The following EXOC2 variants were observed in gnomAD, a reference collection of about 807,000 sequenced individuals.
EXOC2 encodes exocyst complex component 2.
EXOC2 carries 70 observed loss-of-function variants against 131.8 expected under a neutral mutation model. The ratio of observed to expected loss-of-function variants is 0.53; its 90% CI spans 0.44 to 0.65. EXOC2 has a LOEUF of 0.65. Among genes scored for constraint, EXOC2 ranks in the 30% least tolerant of loss-of-function variants. EXOC2 has a pLI of 0.00. For synonymous variants in EXOC2, 411 were observed against 398.4 expected (o/e 1.03, Z -0.38); for missense variants, 923 against 1,108.6 (o/e 0.83, Z 2.38).
At chr6:508,854 T>C (rs1764701837) in intron 23 of EXOC2, among the ~76,000 whole-genome samples, 1 of 152,218 alleles carries the variant, frequency 6.6e-6, no homozygotes, top group Admixed American at 6.5e-5. Flanking sequence ...GCTGCCAAAC[T>C]GTCTTCCAAA....
At chr6:597,942 G>A (rs1759908827) in intron 10 of EXOC2, 79 bp downstream of exon 10, 1 of 1,014,784 alleles carries the variant, frequency 9.9e-7, no homozygotes, top group Non-Finnish European at 1.5e-6. Context: ...AGTCCCTCAA[G>A]TTAGCCTTAA....
At chr6:661,897 C>G in intron 1 of EXOC2, among the ~76,000 whole-genome samples, 1 of 152,172 alleles carries the variant, frequency 6.6e-6, no homozygotes, top group East Asian at 1.9e-4. Context: ...CAATCTGCTG[C>G]CTTCAGGAGA....
intron 1 of EXOC2, among the ~76,000 whole-genome samples, chr6:640,340 C>T (rs780594775): frequency 1.3e-5 from 2 of 152,046 alleles, no homozygotes; most frequent in Non-Finnish European, 2.9e-5. Flanking sequence ...TTTAGGGTAT[C>T]GTTTTCTGAC....
At position 485,938 on chromosome 6, in the gene EXOC2, C is replaced by G. The variant is rs1363687297; in HGVS notation, c.*733G>C. Reference sequence around the variant, plus strand: ...CCCGTTACACATTCACACTCCATCACAGATAACACACAGGGCCTCAGGGAC... The same window carrying G: ...CCCGTTACACATTCACACTCCATCAGAGATAACACACAGGGCCTCAGGGAC... On this transcript the variant is annotated 3_prime_UTR_variant, in exon 28 of 28. Coordinates refer to ENST00000230449, the MANE Select transcript of EXOC2 (RefSeq NM_018303.6). 6.6e-6 allele frequency: 1 copy of G among 152,240 alleles called. No individual in the cohort carries two copies. The highest frequency in any genetic ancestry group is 1.5e-5 in the Non-Finnish European group (1 of 68,060). 9.4% of individuals were successfully genotyped at this position (152,240 alleles called of 1,614,324 possible).
intron 4 of EXOC2, among the ~76,000 whole-genome samples, chr6:624,843 T>C (rs956856433): frequency 6.6e-6 from 1 of 152,224 alleles, no homozygotes; most frequent in African/African-American, 2.4e-5. Context: ...TTGTTCAGAA[T>C]AACTGGATTT....
intron 1 of EXOC2, among the ~76,000 whole-genome samples, chr6:639,609 A>G (rs772466574): frequency 6.6e-6 from 1 of 152,172 alleles, no homozygotes; most frequent in Non-Finnish European, 1.5e-5. Flanking sequence ...AGACCCAAAG[A>G]TCCTGACACC....
At chr6:499,609 AT>A (rs769479059) in intron 24 of EXOC2, 35 bp downstream of exon 24, 2 of 1,551,504 alleles carry the variant, frequency 1.3e-6, no homozygotes, top group Non-Finnish European at 1.8e-6. Flanking sequence ...TTTTTTGGTT[AT>A]CCATATCTCT....
intron 2 of EXOC2, among the ~76,000 whole-genome samples, chr6:637,220 A>G (rs940371143): frequency 1.3e-5 from 2 of 152,198 alleles, no homozygotes; most frequent in African/African-American, 4.8e-5. Context: ...ACAGATCACG[A>G]TGAGGACACA....
At chr6:614,507 C>A (rs572373311) in intron 6 of EXOC2, among the ~76,000 whole-genome samples, 1 of 152,156 alleles carries the variant, frequency 6.6e-6, no homozygotes, top group Non-Finnish European at 1.5e-5. Context: ...CTGTAATTTC[C>A]CTGTAATGAA....
intron 1 of EXOC2, among the ~76,000 whole-genome samples, chr6:675,499 T>G (rs1300636927): frequency 6.6e-6 from 1 of 151,230 alleles, no homozygotes; most frequent in Admixed American, 6.6e-5. Flanking sequence ...ACCCATTGCT[T>G]TAAACCTCTT....
chr6:570,081 G>C (rs1167022371), intron 13 of EXOC2, among the ~76,000 whole-genome samples: 1 of 152,042 alleles, frequency 6.6e-6, no homozygotes, highest in Non-Finnish European at 1.5e-5. Context: ...AAAACACTTG[G>C]CTGGAAACAA....
intron 7 of EXOC2, 143 bp downstream of exon 7, chr6:609,955 T>C: frequency 1.6e-6 from 1 of 619,824 alleles, no homozygotes; most frequent in Non-Finnish European, 2.8e-6. Flanking sequence ...CTATTCTCCT[T>C]TGTGTTCATT....
In EXOC2 at chr6:687,548, C is replaced by A. The variant is rs75283546; in HGVS notation, c.-44+5471G>T. Among the ~76,000 whole-genome samples the A allele has an allele frequency of 5.0e-3, 761 of 152,252 alleles. 3 individuals are homozygous for A. The highest frequency in any genetic ancestry group is 0.017 in the African/African-American group (711 of 41,518). On this transcript the variant is annotated intron_variant, in intron 1 of 27. Transcript: ENST00000230449. ...GATGATTTGCGATACAATGACTAGT[C>A]ACCCAGATCCTCAAAAGATGACAGT...
At chr6:537,082 T>C (rs573118676) in intron 22 of EXOC2, among the ~76,000 whole-genome samples, 12 of 148,060 alleles carry the variant, frequency 8.1e-5, no homozygotes, top group Non-Finnish European at 1.8e-4. Flanking sequence ...AAAGCAACAA[T>C]GAGACTGGCT....
At chr6:684,671 T>A (rs1764564136) in intron 1 of EXOC2, among the ~76,000 whole-genome samples, 1 of 152,180 alleles carries the variant, frequency 6.6e-6, no homozygotes, top group Admixed American at 6.5e-5. Context: ...ATTTCTCAAA[T>A]TAAAACTGTG....
chr6:587,331 G>A (rs1379308845), intron 11 of EXOC2, among the ~76,000 whole-genome samples: 2 of 151,218 alleles, frequency 1.3e-5, no homozygotes, highest in Non-Finnish European at 2.9e-5. Flanking sequence ...TGCAAGCTCC[G>A]CCTCCCAGGT....
chr6:564,835 A>G, intron 14 of EXOC2, 29 bp downstream of exon 14: 1 of 1,595,952 alleles, frequency 6.3e-7, no homozygotes, highest in Non-Finnish European at 8.5e-7. Flanking sequence ...CCCTGTGAAA[A>G]GGTCTACATA....
chr6:667,535 T>C (rs1763672208), intron 1 of EXOC2, among the ~76,000 whole-genome samples: 1 of 96,544 alleles, frequency 1.0e-5, no homozygotes, highest in Non-Finnish European at 2.4e-5. Context: ...CCGCTGAGGG[T>C]CTTGATCAAA....
chr6:528,408 C>T (rs1765874319), intron 23 of EXOC2, among the ~76,000 whole-genome samples: 1 of 152,210 alleles, frequency 6.6e-6, no homozygotes, highest in African/African-American at 2.4e-5. Context: ...TCACTTTACA[C>T]AAGGTCTCAA....
Sources: allele counts gnomAD v4.1 joint callset (sites outside exome capture counted in the v4.1 genomes callset), GRCh38; gene constraint gnomAD v4.1.1; transcripts MANE v1.5; gene names NCBI Gene and HGNC (gene_info 2026-07-23, HGNC 2026-07-21).